COLGALT2: variants seen among roughly 807,000 people sequenced by gnomAD.
The protein encoded by COLGALT2 is collagen beta(1-O)galactosyltransferase 2, also known as procollagen galactosyltransferase 2.
COLGALT2 carries 49 observed loss-of-function variants against 73.4 expected under a neutral mutation model. That is an observed-to-expected ratio of 0.67 (90% CI 0.53 to 0.85). The LOEUF is 0.85. Among genes scored for constraint, COLGALT2 ranks in the 40% least tolerant of loss-of-function variants. The pLI is 0.00. For missense variants in COLGALT2, 722 were observed against 790.2 expected, an observed-to-expected ratio of 0.91 and a Z score of 1.03; for synonymous variants, 295 against 307.6, an observed-to-expected ratio of 0.96 and a Z score of 0.43.
intron 1 of COLGALT2, among the ~76,000 whole-genome samples, chr1:184,023,219 G>A (rs573274421): frequency 1.3e-5 from 2 of 152,306 alleles, no homozygotes; most frequent in African/African-American, 4.8e-5. Flanking sequence ...CAGGAGACAA[G>A]TGATTTTCAG....
At chr1:183,957,787 T>TTG (rs1206218036) in intron 6 of COLGALT2, among the ~76,000 whole-genome samples, 2 of 150,486 alleles carry the variant, frequency 1.3e-5, no homozygotes, top group Non-Finnish European at 3.0e-5. Flanking sequence ...GGTTTTTTTT[T>TTG]TTTTTTTTTT....
chr1:183,942,389 A>G (rs1670140192), intron 10 of COLGALT2, among the ~76,000 whole-genome samples: 1 of 152,228 alleles, frequency 6.6e-6, no homozygotes. Context: ...TATTAATTAC[A>G]TACCAAAATG....
intron 6 of COLGALT2, among the ~76,000 whole-genome samples, chr1:183,960,975 C>T (rs528815720): frequency 6.6e-6 from 1 of 152,206 alleles, no homozygotes; most frequent in African/African-American, 2.4e-5. Flanking sequence ...TTTTTAACAC[C>T]TAGTTAATCT....
chr1:183,973,660 A>C lies in COLGALT2; in HGVS notation c.583T>G (p.Ser195Ala). The C allele has an allele frequency of 6.2e-7, 1 of 1,613,956 alleles. No homozygotes were observed. Among genetic ancestry groups the C allele is most frequent in the Non-Finnish European group, 8.5e-7 (1 of 1,179,968 alleles). ...CAGAAATTAGAATACAGGCCCCGAG[A>C]CTCCAGCATGGGGGCCACAATAGTT... ...NKTIVAPMLESRGLYSNFWCG... is the reference protein window; with the variant it reads ...NKTIVAPMLEARGLYSNFWCG... Residue 195 changes from serine to alanine, a missense_variant, in exon 4 of 12, where the codon TCT becomes GCT. Coordinates refer to ENST00000361927, the MANE Select transcript of COLGALT2 (RefSeq NM_015101.4).
At chr1:184,028,248 T>C (rs575046637) in intron 1 of COLGALT2, among the ~76,000 whole-genome samples, 1 of 152,234 alleles carries the variant, frequency 6.6e-6, no homozygotes, top group Non-Finnish European at 1.5e-5. Flanking sequence ...ATTTAAGTTC[T>C]ACTGTTAGTC....
rs777466880 is a variant in COLGALT2 at position 183,945,467 on chromosome 1, C to T, written c.1234G>A (p.Gly412Ser). The change falls in exon 9 of 12, where the codon GGC (glycine) becomes AGC (serine). Residue 412 changes from glycine to serine, a missense_variant. Coordinates refer to ENST00000361927, the MANE Select transcript of COLGALT2 (RefSeq NM_015101.4). ...SSRPLTRGEI[G>S]CFLSHYSVWK... ...ACTGAGTAGTGGCTGAGAAAGCAGC[C>T]GATTTCACCCCTTGTTAGAGGCCTG... 6.2e-6 allele frequency: 10 copies of T among 1,614,148 alleles called. No individual in the cohort carries two copies. The highest frequency in any genetic ancestry group is 8.5e-6 in the Non-Finnish European group (10 of 1,180,030).
In COLGALT2 at chr1:183,936,929, T is replaced by A; in HGVS notation, c.*1832A>T. The A allele has an allele frequency of 8.1e-7, 1 of 1,231,790 alleles. No individual in the cohort carries two copies. Among genetic ancestry groups the A allele is most frequent in the East Asian group, 3.2e-5 (1 of 31,712 alleles). 76.3% of individuals were successfully genotyped at this position (1,231,790 alleles called of 1,614,324 possible). A position where few individuals can be genotyped will look rare whatever the true frequency, so the allele number is the denominator to read the frequency against. On this transcript the variant is annotated 3_prime_UTR_variant, in exon 12 of 12. Coordinates refer to ENST00000361927, the MANE Select transcript of COLGALT2 (RefSeq NM_015101.4). ...AGGCAAGCTGCCTCTTGTCCTAAAG[T>A]GGGGACCCGCCCCTCACCTGGGGAG...
Position 183,989,502 on chromosome 1 carries a change from C to G in COLGALT2, c.264-10982G>C, listed in dbSNP as rs1671575622. 3.3e-5 allele frequency among the ~76,000 whole-genome samples: 5 copies of G among 152,162 alleles called. No homozygotes were observed. In the South Asian group the frequency reaches 1.0e-3, roughly 32 times the overall value. ...CCCTGCTCTATTCTCTGGAGGAGAACTGGCTGAACTGCAGTGACAATGTGG... is the reference window on the plus strand; with the variant it reads ...CCCTGCTCTATTCTCTGGAGGAGAAGTGGCTGAACTGCAGTGACAATGTGG... On this transcript the variant is annotated intron_variant, in intron 1 of 11. Transcript: ENST00000361927.
At chr1:184,012,771 G>T (rs1044752506) in intron 1 of COLGALT2, among the ~76,000 whole-genome samples, 2 of 152,220 alleles carry the variant, frequency 1.3e-5, no homozygotes, top group Non-Finnish European at 2.9e-5. Flanking sequence ...GAGGAACTTG[G>T]AGGAGGAAAC....
chr1:183,968,399 C>T (rs1380819760), intron 5 of COLGALT2, among the ~76,000 whole-genome samples: 2 of 152,158 alleles, frequency 1.3e-5, no homozygotes, highest in African/African-American at 4.8e-5. Context: ...ACTTGTCTTT[C>T]TCAAAAATCT....
At chr1:183,935,825 A>G (rs1669936419), downstream of COLGALT2, 2 of 984,376 alleles carry the variant, frequency 2.0e-6, no homozygotes, top group Admixed American at 6.1e-5. Flanking sequence ...AGCAATTGAC[A>G]ATCATATCTT....
At chr1:183,995,109 A>C (rs1262299170) in intron 1 of COLGALT2, among the ~76,000 whole-genome samples, 1 of 152,230 alleles carries the variant, frequency 6.6e-6, no homozygotes, top group Non-Finnish European at 1.5e-5. Context: ...AACAAAGAGA[A>C]GAAAAACAAT....
intron 1 of COLGALT2, among the ~76,000 whole-genome samples, chr1:184,020,034 G>T (rs1487080129): frequency 6.6e-6 from 1 of 152,156 alleles, no homozygotes; most frequent in African/African-American, 2.4e-5. Flanking sequence ...CTGGTTTTTA[G>T]ACTTATTGGA....
intron 10 of COLGALT2, 117 bp downstream of exon 10, chr1:183,944,079 T>A: frequency 8.3e-7 from 1 of 1,209,044 alleles, no homozygotes; most frequent in Non-Finnish European, 1.1e-6. Flanking sequence ...GAAAGAAAAC[T>A]AGATAAGTGG....
intron 1 of COLGALT2, among the ~76,000 whole-genome samples, chr1:184,027,991 A>G (rs115538289): frequency 0.01 from 1,548 of 152,324 alleles, 23 homozygotes; most frequent in African/African-American, 0.035. Flanking sequence ...TGGAAGCTGC[A>G]TATAAGCTTA....
In COLGALT2 at chr1:183,965,790, G is replaced by GAA. The variant is rs3032459; in HGVS notation, c.833-1772_833-1771dup. ...AATTATTAAAGGAATTGCCTCCAAA[G>GAA]AATGGCAAAGGAAAACTAATCATAG... On this transcript the variant is annotated intron_variant, in intron 5 of 11. Coordinates refer to ENST00000361927, the MANE Select transcript of COLGALT2 (RefSeq NM_015101.4). Among the ~76,000 whole-genome samples, 1,027 of 151,390 alleles carry GAA rather than the reference G, an allele frequency of 6.8e-3. 9 individuals carry two copies. The highest frequency in any genetic ancestry group is 0.026 in the South Asian group (125 of 4,816).
Position 184,020,426 on chromosome 1 carries a change from C to T in COLGALT2, c.263+16669G>A, listed in dbSNP as rs56666293. On this transcript the variant is annotated intron_variant, in intron 1 of 11. Transcript: ENST00000361927. ...ATTTCTCTCAAGAAGCTCAAAGAATCGCATGCTATTCTGAAGGCAAATCTG... is the reference window on the plus strand; with the variant it reads ...ATTTCTCTCAAGAAGCTCAAAGAATTGCATGCTATTCTGAAGGCAAATCTG... Among the ~76,000 whole-genome samples the T allele has an allele frequency of 9.4e-4, 143 of 152,246 alleles. 4 individuals are homozygous for T. The East Asian group carries it at 0.022, about 23-fold the overall frequency.
chr1:184,035,085 TA>T (rs1201305119), intron 1 of COLGALT2, among the ~76,000 whole-genome samples: 1 of 152,208 alleles, frequency 6.6e-6, no homozygotes, highest in Non-Finnish European at 1.5e-5. Flanking sequence ...ATGCTGGACA[TA>T]AAAGACAACA....
chr1:183,942,288 G>A (rs1028690594), intron 10 of COLGALT2, among the ~76,000 whole-genome samples: 9 of 151,768 alleles, frequency 5.9e-5, no homozygotes, highest in Non-Finnish European at 1.0e-4. Flanking sequence ...TCTGGATTGA[G>A]AGGTGTTCTA....
Sources: allele counts gnomAD v4.1 joint callset (sites outside exome capture counted in the v4.1 genomes callset), GRCh38; gene constraint gnomAD v4.1.1; transcripts MANE v1.5; gene names NCBI Gene and HGNC (gene_info 2026-07-23, HGNC 2026-07-21).